The following PGR variants were observed in gnomAD, a reference collection of about 807,000 sequenced individuals.
PGR encodes progesterone receptor, also known as nuclear receptor subfamily 3 group C member 3.
PGR carries 25 observed loss-of-function variants against 76.1 expected under a neutral mutation model. The observed-to-expected ratio is 0.33, with a 90% CI of 0.24 to 0.46. The LOEUF (loss-of-function observed/expected upper bound fraction) is 0.46. PGR is among the 20% of genes least tolerant of loss of function. The probability of loss-of-function intolerance (pLI) is 1.00; values close to 1 mark genes in which losing one functional copy is unlikely to be tolerated. For missense variants in PGR, 1,172 were observed against 1,225.3 expected, an observed-to-expected ratio of 0.96 and a Z score of 0.65; for synonymous variants, 579 against 535.0, an observed-to-expected ratio of 1.08 and a Z score of -1.14.
intron 2 of PGR, among the ~76,000 whole-genome samples, chr11:101,121,815 A>G (rs1055982605): frequency 1.3e-5 from 2 of 152,216 alleles, no homozygotes; most frequent in Non-Finnish European, 1.5e-5. Context: ...TACTCAATAA[A>G]TACATGAACT....
intron 2 of PGR, among the ~76,000 whole-genome samples, chr11:101,123,457 A>C (rs1308000591): frequency 2.0e-5 from 3 of 152,198 alleles, no homozygotes; most frequent in Non-Finnish European, 2.9e-5. Flanking sequence ...GAAAACTCCT[A>C]GAACATTCTC....
At chr11:101,093,427 C>A (rs1259269005) in intron 2 of PGR, among the ~76,000 whole-genome samples, 1 of 151,946 alleles carries the variant, frequency 6.6e-6, no homozygotes, top group African/African-American at 2.4e-5. Flanking sequence ...ATACTGATAT[C>A]TCACAAGAAG....
chr11:101,041,834 C>A (rs191803027), intron 7 of PGR, 111 bp downstream of exon 7: 13,844 of 945,432 alleles, frequency 0.015, 143 homozygotes, highest in Non-Finnish European at 0.02. Context: ...TTTTAACATA[C>A]AAGTATTAAT....
chr11:101,127,665 G>A lies in PGR; in HGVS notation c.1406C>T (p.Pro469Leu). The A allele has an allele frequency of 6.5e-7, 1 of 1,533,830 alleles. No individual in the cohort carries two copies. The highest frequency in any genetic ancestry group is 1.2e-5 in the South Asian group (1 of 83,310). Residue 469 changes from proline to leucine, a missense_variant, in exon 1 of 8, where the codon CCG (proline) becomes CTG (leucine). Around this residue, in one of 4 missense-constraint regions of PGR, gnomAD observed 893 missense variants for 785.9 expected, o/e 1.14. Coordinates refer to ENST00000325455, the MANE Select transcript of PGR (RefSeq NM_000926.4). Reference sequence around the variant, plus strand: ...CGGCGCGAACGGGCCCTGCTGGGGCGGCGCGCCCTCCGCTTTGTACAGGAT... The same window carrying A: ...CGGCGCGAACGGGCCCTGCTGGGGCAGCGCGCCCTCCGCTTTGTACAGGAT... ...ECILYKAEGA[P>L]PQQGPFAPPP...
chr11:101,128,582 C>T lies in PGR; in HGVS notation c.489G>A (p.Pro163=), dbSNP rs767644282. 14 of 1,595,740 alleles carry T rather than the reference C, an allele frequency of 8.8e-6. No homozygotes were observed. The highest frequency in any genetic ancestry group is 1.1e-5 in the Non-Finnish European group (13 of 1,173,818). The change falls in exon 1 of 8, where the codon CCG becomes CCA. Residue 163 remains proline (P), a synonymous_variant. Transcript: ENST00000325455. Reference sequence around the variant, plus strand: ...CCTTGCACCCGGACCGGCTCATGAGCGGGGACAACACCCGCTGGGTGGCGG... The same window carrying T: ...CCTTGCACCCGGACCGGCTCATGAGTGGGGACAACACCCGCTGGGTGGCGG... ...AAPATQRVLS[P]LMSRSGCKVG... is the part of the protein sequence containing the mutation.
At chr11:101,046,292 ATTTTTT>A (rs540943297) in intron 6 of PGR, among the ~76,000 whole-genome samples, 36 of 66,256 alleles carry the variant, frequency 5.4e-4, no homozygotes, top group East Asian at 1.5e-3. Context: ...CGCCTGGCTA[ATTTTTT>A]TTTTTTTTTT....
At chr11:101,123,932 C>G (rs1274230718) in intron 2 of PGR, among the ~76,000 whole-genome samples, 5 of 152,206 alleles carry the variant, frequency 3.3e-5, no homozygotes, top group African/African-American at 9.6e-5. Flanking sequence ...CCTTCTTTTA[C>G]ATACTTTACA....
At chr11:101,064,331 C>CAAAAAAAAAAAAAAAAA (rs10556132) in intron 3 of PGR, among the ~76,000 whole-genome samples, 6 of 39,448 alleles carry the variant, frequency 1.5e-4, no homozygotes, top group African/African-American at 6.9e-4. Flanking sequence ...AACTCCACCT[C>CAAAAAAAAAAAAAAAAA]AAAAAAAAAA....
At chr11:101,052,977 AT>A (rs1188102795) in intron 4 of PGR, among the ~76,000 whole-genome samples, 1 of 152,144 alleles carries the variant, frequency 6.6e-6, no homozygotes, top group African/African-American at 2.4e-5. Context: ...AGCTGCACAT[AT>A]GAATTAGAAG....
intron 4 of PGR, among the ~76,000 whole-genome samples, chr11:101,058,646 C>T (rs192761409): frequency 6.4e-4 from 97 of 152,290 alleles, no homozygotes; most frequent in African/African-American, 2.1e-3. Context: ...ATTTATGCAA[C>T]GGAAGTGTTT....
At chr11:101,096,552 T>A (rs1290408904) in intron 2 of PGR, among the ~76,000 whole-genome samples, 1 of 151,994 alleles carries the variant, frequency 6.6e-6, no homozygotes, top group African/African-American at 2.4e-5. Flanking sequence ...ATGCAATGAA[T>A]GCAGTGGGAG....
At chr11:101,102,044 A>G (rs1459242275) in intron 2 of PGR, among the ~76,000 whole-genome samples, 3 of 152,190 alleles carry the variant, frequency 2.0e-5, no homozygotes, top group Admixed American at 6.5e-5. Flanking sequence ...CAGATTATGG[A>G]ACTTTCTACA....
rs1009905896 is a variant in PGR, at chr11:101,031,454, C to T, written c.*7662G>A. 8.7e-6 allele frequency: 2 copies of T among 228,814 alleles called. No homozygotes were observed. Among genetic ancestry groups the T allele is most frequent in the Non-Finnish European group, 1.7e-5 (2 of 115,382 alleles). The allele number at this position is 228,814 out of a possible 1,614,324, so 14.2% of individuals were successfully genotyped here. On this transcript the variant is annotated 3_prime_UTR_variant, in exon 8 of 8. Coordinates refer to ENST00000325455, the MANE Select transcript of PGR (RefSeq NM_000926.4). The stretch of plus-strand genomic sequence containing the variant: ...TGAATAAGGTAATCCAAAAAGAAGG[C>T]TCTTTTAGATGAAAAAACATGGATA...
chr11:101,079,851 C>G (rs963404716), intron 3 of PGR, among the ~76,000 whole-genome samples: 2 of 152,196 alleles, frequency 1.3e-5, no homozygotes, highest in Non-Finnish European at 2.9e-5. Flanking sequence ...ATTTACCCCT[C>G]CTGTGTAGAG....
intron 2 of PGR, among the ~76,000 whole-genome samples, chr11:101,095,075 CTA>C (rs1314165516): frequency 6.6e-6 from 1 of 152,176 alleles, no homozygotes; most frequent in Non-Finnish European, 1.5e-5. Flanking sequence ...ACTACCCAGT[CTA>C]AGGTATTTTT....
intron 3 of PGR, among the ~76,000 whole-genome samples, chr11:101,073,499 AG>A (rs1861016909): frequency 6.6e-6 from 1 of 152,016 alleles, no homozygotes; most frequent in Admixed American, 6.6e-5. Flanking sequence ...CGAAGGAGAT[AG>A]AGACATGAAA....
At chr11:101,074,822 CAG>C in intron 3 of PGR, among the ~76,000 whole-genome samples, 1 of 151,618 alleles carries the variant, frequency 6.6e-6, no homozygotes, top group South Asian at 2.1e-4. Flanking sequence ...TCAAGGAAAT[CAG>C]AGAGGACACA....
intron 2 of PGR, among the ~76,000 whole-genome samples, chr11:101,109,916 C>A (rs1218067876): frequency 2.0e-5 from 3 of 152,184 alleles, no homozygotes; most frequent in Non-Finnish European, 4.4e-5. Flanking sequence ...TAAAGCCAAT[C>A]CTCATTTATC....
chr11:101,083,858 A>G (rs2135444120), intron 3 of PGR, among the ~76,000 whole-genome samples: 1 of 152,192 alleles, frequency 6.6e-6, no homozygotes, highest in South Asian at 2.1e-4. Context: ...TTGGTCTTGG[A>G]CTTTTGGGTT....
Sources: gnomAD v4.1 joint callset for allele counts (sites outside exome capture counted in the v4.1 genomes callset) on GRCh38, gnomAD v4.1.1 for gene constraint, gnomAD v4.1.1 regional missense constraint, MANE v1.5 for transcripts, NCBI Gene and HGNC (gene_info 2026-07-23, HGNC 2026-07-21) for gene names.